The following RAPGEF6 variants were observed in gnomAD, a reference collection of about 807,000 sequenced individuals.
RAPGEF6 encodes the protein Rap guanine nucleotide exchange factor 6.
Under a neutral mutation model 171.4 loss-of-function variants are expected in RAPGEF6, and 56 were observed. The ratio of observed to expected loss-of-function variants is 0.33; its 90% CI spans 0.26 to 0.41. The LOEUF is 0.41. RAPGEF6 is among the 10% of genes least tolerant of loss of function. The pLI is 1.00. For synonymous variants in RAPGEF6, 692 were observed against 650.1 expected (o/e 1.06, Z -0.98); for missense variants, 1,674 against 1,921.4 (o/e 0.87, Z 2.41).
chr5:131,438,606 G>A (rs1451553499), intron 24 of RAPGEF6, among the ~76,000 whole-genome samples: 2 of 152,212 alleles, frequency 1.3e-5, no homozygotes, highest in Non-Finnish European at 2.9e-5. Flanking sequence ...GGTACACACA[G>A]AGTGTGAAGG....
intron 4 of RAPGEF6, among the ~76,000 whole-genome samples, chr5:131,566,326 T>G (rs1761933303): frequency 6.6e-6 from 1 of 152,202 alleles, no homozygotes; most frequent in African/African-American, 2.4e-5. Context: ...TTTCTGCATT[T>G]ATTGAAAGGA....
intron 4 of RAPGEF6, among the ~76,000 whole-genome samples, chr5:131,566,735 CT>C (rs544613086): frequency 1.8e-3 from 264 of 143,042 alleles, no homozygotes; most frequent in South Asian, 2.2e-3. Context: ...GTTTCTTTTT[CT>C]TTTTTTTTTT....
In RAPGEF6 at chr5:131,426,063, A is replaced by ATACCCAT. The variant is rs1221429915; in HGVS notation, c.*1196_*1202dup. ...CACTGAAATTTTAATTAAGAGTGCC[A>ATACCCAT]TACCCATGAGGCTGGAAAAGTATGT... On this transcript the variant is annotated 3_prime_UTR_variant, in exon 28 of 28. Transcript: ENST00000509018. 1.3e-5 allele frequency: 2 copies of ATACCCAT among 152,246 alleles called. No homozygotes were observed. The highest frequency in any genetic ancestry group is 2.9e-5 in the Non-Finnish European group (2 of 68,024). The allele number at this position is 152,246 out of a possible 1,614,324, so 9.4% of individuals were successfully genotyped here.
At chr5:131,556,061 T>C (rs1402700551) in intron 5 of RAPGEF6, among the ~76,000 whole-genome samples, 2 of 152,112 alleles carry the variant, frequency 1.3e-5, no homozygotes, top group Non-Finnish European at 1.5e-5. Context: ...ACAGTAAAAA[T>C]ACAGTATTAT....
intron 1 of RAPGEF6, among the ~76,000 whole-genome samples, chr5:131,610,772 AAAG>A (rs930798918): frequency 1.3e-5 from 2 of 152,140 alleles, no homozygotes; most frequent in African/African-American, 2.4e-5. Context: ...CTTCTCAGGA[AAAG>A]AAGCTCATTG....
chr5:131,485,798 A>G (rs1466175922), intron 15 of RAPGEF6, among the ~76,000 whole-genome samples: 1 of 152,190 alleles, frequency 6.6e-6, no homozygotes, highest in Non-Finnish European at 1.5e-5. Flanking sequence ...TGGAAATGGA[A>G]CACTTAATTT....
At chr5:131,614,155 G>A (rs962959862) in intron 1 of RAPGEF6, among the ~76,000 whole-genome samples, 7 of 151,830 alleles carry the variant, frequency 4.6e-5, no homozygotes, top group African/African-American at 9.7e-5. Flanking sequence ...GGTGGCAGGT[G>A]CCTGTAATCC....
intron 6 of RAPGEF6, among the ~76,000 whole-genome samples, chr5:131,547,278 C>T (rs1040928024): frequency 1.3e-5 from 2 of 152,136 alleles, no homozygotes; most frequent in African/African-American, 4.8e-5. Context: ...TCACTATATT[C>T]AACCATCCTT....
At chr5:131,528,326 T>TATATAC (rs1759111638) in intron 6 of RAPGEF6, among the ~76,000 whole-genome samples, 1 of 105,270 alleles carries the variant, frequency 9.5e-6, no homozygotes, top group African/African-American at 4.8e-5. Context: ...TATATATATA[T>TATATAC]ATATATATAT....
intron 11 of RAPGEF6, among the ~76,000 whole-genome samples, chr5:131,500,993 C>T (rs1479948368): frequency 6.6e-6 from 1 of 152,020 alleles, no homozygotes; most frequent in Admixed American, 6.5e-5. Flanking sequence ...GTGGCTCACA[C>T]CTGTAATCCC....
chr5:131,624,163 CAT>C (rs1437346987), intron 1 of RAPGEF6, among the ~76,000 whole-genome samples: 1 of 152,190 alleles, frequency 6.6e-6, no homozygotes, highest in Non-Finnish European at 1.5e-5. Context: ...AATTATTTCA[CAT>C]ATATTATCTC....
rs181429377 is a variant in RAPGEF6, at chr5:131,593,676, A to G, written c.198-1210T>C. 1.7e-3 allele frequency among the ~76,000 whole-genome samples: 254 copies of G among 152,272 alleles called. 1 individual carries two copies. The highest frequency in any genetic ancestry group is 5.6e-3 in the African/African-American group (233 of 41,542). ...CTTACTGGAAACTGGAGTAAAGGTC[A>G]CTCTTGCTATGCTTTAGCAATTAGA... is the stretch of plus-strand genomic sequence containing the variant. On this transcript the variant is annotated intron_variant, in intron 3 of 27. Coordinates refer to ENST00000509018, the MANE Select transcript of RAPGEF6 (RefSeq NM_016340.6).
intron 7 of RAPGEF6, among the ~76,000 whole-genome samples, chr5:131,516,290 G>C (rs1273570793): frequency 6.6e-6 from 1 of 151,914 alleles, no homozygotes; most frequent in Non-Finnish European, 1.5e-5. Flanking sequence ...TGCTATGTTA[G>C]CCAGGCTGGT....
intron 14 of RAPGEF6, among the ~76,000 whole-genome samples, chr5:131,491,394 C>T (rs1197836437): frequency 2.6e-5 from 4 of 152,106 alleles, no homozygotes; most frequent in South Asian, 2.1e-4. Context: ...AACATGGCTC[C>T]GTTAAAATAA....
intron 7 of RAPGEF6, among the ~76,000 whole-genome samples, chr5:131,518,246 TA>T (rs977896210): frequency 5.9e-5 from 9 of 152,060 alleles, no homozygotes; most frequent in African/African-American, 1.9e-4. Flanking sequence ...ATATGAGATA[TA>T]AAAAATATAT....
At chr5:131,498,379 C>A (rs1365075680) in intron 12 of RAPGEF6, 64 bp downstream of exon 12, 1 of 1,422,262 alleles carries the variant, frequency 7.0e-7, no homozygotes, top group South Asian at 1.4e-5. Context: ...AATCTATCAA[C>A]TATAAAAGTT....
chr5:131,505,418 AGTGG>A lies in RAPGEF6; in HGVS notation c.1043_1046del (p.Pro348LeufsTer15). The A allele has an allele frequency of 1.2e-6, 2 of 1,613,652 alleles. No individual in the cohort carries two copies. Among genetic ancestry groups the A allele is most frequent in the Non-Finnish European group, 1.7e-6 (2 of 1,179,698 alleles). Reference sequence around the variant, plus strand: ...TTCCATGCATGTACTGCTTATCCAGAGTGGGAGTAATTCCAAAACTATTTCCCAT... The same window carrying A: ...TTCCATGCATGTACTGCTTATCCAGAGAGTAATTCCAAAACTATTTCCCAT... On this transcript the variant is annotated frameshift_variant, in exon 10 of 28. Coordinates refer to ENST00000509018, the MANE Select transcript of RAPGEF6 (RefSeq NM_016340.6). LOFTEE classifies it high-confidence loss of function.
chr5:131,523,812 A>AC (rs71000994), intron 6 of RAPGEF6, among the ~76,000 whole-genome samples: 4 of 105,432 alleles, frequency 3.8e-5, no homozygotes, highest in Non-Finnish European at 8.6e-5. Flanking sequence ...AAACAAACAA[A>AC]AAACCCACCC....
chr5:131,610,983 C>A (rs941556876), intron 1 of RAPGEF6, among the ~76,000 whole-genome samples: 3 of 152,266 alleles, frequency 2.0e-5, no homozygotes, highest in South Asian at 2.1e-4. Context: ...GCTTCCCATG[C>A]GATACTCCCA....
Sources: allele counts gnomAD v4.1 joint callset (sites outside exome capture counted in the v4.1 genomes callset), GRCh38; gene constraint gnomAD v4.1.1; transcripts MANE v1.5; gene names NCBI Gene and HGNC (gene_info 2026-07-23, HGNC 2026-07-21).